DHX37: variants seen among roughly 807,000 people sequenced by gnomAD.
DHX37 encodes DEAH-box helicase 37, also known as probable ATP-dependent RNA helicase DHX37.
In DHX37, 52 loss-of-function variants were observed where a neutral mutation model predicts 134.3. That is an observed-to-expected ratio of 0.39 (90% CI 0.31 to 0.49). DHX37 has a LOEUF of 0.49. Ranked by LOEUF, DHX37 falls within the 20% of genes least tolerant of loss-of-function variation. The pLI is 0.93. For missense variants in DHX37, 1,344 were observed against 1,580.8 expected (o/e 0.85, Z 2.54); for synonymous variants, 634 against 670.7 (o/e 0.95, Z 0.85).
chr12:124,972,597 A>T lies in DHX37; in HGVS notation c.983T>A (p.Val328Asp), dbSNP rs1954544331. 5.0e-6 allele frequency: 8 copies of T among 1,614,068 alleles called. No homozygotes were observed. The highest frequency in any genetic ancestry group is 6.8e-6 in the Non-Finnish European group (8 of 1,179,978). Reference sequence around the variant, plus strand: ...TTCATACCGGATCTGGTAGGAGACGACCCTGTATGGGCAGAGTTCGGGTTA... The same window carrying T: ...TTCATACCGGATCTGGTAGGAGACGTCCCTGTATGGGCAGAGTTCGGGTTA... ...VAKEMNLSQR[V>D]VSYQIRYEGN... The change falls in exon 7 of 27, where the codon GTC becomes GAC. Residue 328 changes from valine to aspartate, a missense_variant and splice_region_variant. Coordinates refer to ENST00000308736, the MANE Select transcript of DHX37 (RefSeq NM_032656.4).
chr12:124,967,112 G>A lies in DHX37; in HGVS notation c.1504+11C>T, dbSNP rs202186478. On this transcript the variant is annotated intron_variant, in intron 11 of 26. Coordinates refer to ENST00000308736, the MANE Select transcript of DHX37 (RefSeq NM_032656.4). ...CTCAGGGCAGAGTGCTGGTCGGGGC[G>A]TCCTCTTTACCTTGTGGCCGGGCTC... is the stretch of plus-strand genomic sequence containing the variant. 3.5e-5 allele frequency: 57 copies of A among 1,613,224 alleles called. No individual in the cohort carries two copies. The highest frequency in any genetic ancestry group is 1.3e-4 in the Admixed American group (8 of 59,984).
rs1954337405 is a variant in DHX37, at chr12:124,964,480, G to A, written c.1959C>T (p.Ser653=). The A allele has an allele frequency of 1.2e-6, 2 of 1,614,100 alleles. No homozygotes were observed. The highest frequency in any genetic ancestry group is 1.1e-5 in the South Asian group (1 of 91,094). The change falls in exon 15 of 27, where the codon TCC becomes TCT. Residue 653 remains serine (S), a synonymous_variant. Coordinates refer to ENST00000308736, the MANE Select transcript of DHX37 (RefSeq NM_032656.4). Reference sequence around the variant, plus strand: ...GGGAGACCCAGGTGACACGGAAGGAGGATACGCCAGTGACGCGGTCGTAGT... The same window carrying A: ...GGGAGACCCAGGTGACACGGAAGGAAGATACGCCAGTGACGCGGTCGTAGT... ...KRYYDRVTGV[S]SFRVTWVSQA... is the part of the protein sequence containing the mutation.
At chr12:124,961,188 G>GCA (rs144846639) in intron 15 of DHX37, among the ~76,000 whole-genome samples, 61,965 of 103,388 alleles carry the variant, frequency 0.6, 15,192 homozygotes, top group Non-Finnish European at 0.67. Flanking sequence ...ATGCGCGCAC[G>GCA]CACACACACA....
intron 3 of DHX37, among the ~76,000 whole-genome samples, chr12:124,981,372 C>T (rs1434335071): frequency 6.6e-6 from 1 of 152,156 alleles, no homozygotes; most frequent in Non-Finnish European, 1.5e-5. Flanking sequence ...GTGGGAGGGG[C>T]ACACAGGCCA....
intron 16 of DHX37, among the ~76,000 whole-genome samples, chr12:124,959,820 T>C (rs1413840046): frequency 6.6e-6 from 1 of 152,224 alleles, no homozygotes; most frequent in Non-Finnish European, 1.5e-5. Context: ...TAGATGTGTG[T>C]CCCTGGACAA....
At chr12:124,974,778 A>ATT (rs768978678) in intron 6 of DHX37, among the ~76,000 whole-genome samples, 1 of 141,768 alleles carries the variant, frequency 7.1e-6, no homozygotes. Context: ...CCGCCTGAAG[A>ATT]TTTTTTTTTT....
At chr12:124,966,205 A>G (rs894847771) in intron 12 of DHX37, among the ~76,000 whole-genome samples, 1 of 152,190 alleles carries the variant, frequency 6.6e-6, no homozygotes, top group African/African-American at 2.4e-5. Context: ...AGTAGCTGGG[A>G]GTACAGGTGC....
chr12:124,967,172 C>T lies in DHX37; in HGVS notation c.1455G>A (p.Leu485=), dbSNP rs748494447. Residue 485 remains leucine, a synonymous_variant, in exon 11 of 27, where the codon CTG becomes CTA. Transcript: ENST00000308736. ...FLTGQAEVHA[L]CRRLRKAFPP... is the part of the protein sequence containing the mutation. ...GGAAAGCCTTCCTGAGCCTGCGGCA[C>T]AGCGCATGCACCTCAGCCTGCCCCG... 8 of 1,613,888 alleles carry T rather than the reference C, an allele frequency of 5.0e-6. No individual in the cohort carries two copies. In the East Asian group the frequency reaches 1.1e-4, roughly 22 times the overall value.
At position 124,961,548 on chromosome 12, in the gene DHX37, C is replaced by A. The variant is rs560597917; in HGVS notation, c.2046-1125G>T. Among the ~76,000 whole-genome samples, 5 of 152,318 alleles carry A rather than the reference C, an allele frequency of 3.3e-5. No homozygotes were observed. The South Asian group carries it at 1.0e-3, about 32-fold the overall frequency. ...GGTTCAAGTGATTCTCCTGCCTCAG[C>A]CTCCCAAGTAGCTGGGATTACAAGT... On this transcript the variant is annotated intron_variant, in intron 15 of 26. Transcript: ENST00000308736.
chr12:124,954,232 T>C (rs1954040864), intron 18 of DHX37, 21 bp from the exon 19 acceptor site: 8 of 1,547,018 alleles, frequency 5.2e-6, no homozygotes, highest in Non-Finnish European at 7.0e-6. Flanking sequence ...ACATACATAC[T>C]GTCTGGGCTG....
In DHX37 at chr12:124,947,757, C is replaced by T. The variant is rs970581024; in HGVS notation, c.*45G>A. The stretch of plus-strand genomic sequence containing the variant: ...GCACGGTGACAGGCTGCTGCCAGCC[C>T]TCCAGTCCCCAAACCAGTCCTCGGC... On this transcript the variant is annotated 3_prime_UTR_variant, in exon 27 of 27. Coordinates refer to ENST00000308736, the MANE Select transcript of DHX37 (RefSeq NM_032656.4). 4.6e-6 allele frequency: 7 copies of T among 1,513,858 alleles called. No homozygotes were observed. The highest frequency in any genetic ancestry group is 2.8e-5 in the African/African-American group (2 of 71,918). The allele number at this position is 1,513,858 out of a possible 1,614,324, so 93.8% of individuals were successfully genotyped here.
At chr12:124,983,803 G>C (rs202205394) in intron 2 of DHX37, among the ~76,000 whole-genome samples, 1 of 124,708 alleles carries the variant, frequency 8.0e-6, no homozygotes, top group African/African-American at 2.9e-5. Context: ...AAAAAAAAAA[G>C]AACACGCTCA....
intron 2 of DHX37, 117 bp downstream of exon 2, chr12:124,985,979 C>T (rs949916211): frequency 7.0e-5 from 93 of 1,326,568 alleles, no homozygotes; most frequent in Non-Finnish European, 8.5e-5. Flanking sequence ...CTGGAATTTT[C>T]CTCATTCCAG....
At chr12:124,963,715 A>T (rs1458221898) in intron 15 of DHX37, among the ~76,000 whole-genome samples, 1 of 66,894 alleles carries the variant, frequency 1.5e-5, no homozygotes, top group Non-Finnish European at 2.6e-5. Context: ...TAAAAATACA[A>T]AAAAAAAAAA....
chr12:124,961,197 CACAT>C (rs1477894243), intron 15 of DHX37, among the ~76,000 whole-genome samples: 1 of 108,794 alleles, frequency 9.2e-6, no homozygotes, highest in African/African-American at 3.0e-5. Flanking sequence ...CGCACACACA[CACAT>C]ACACGTGTGC....
chr12:124,981,771 T>C (rs542937019), intron 3 of DHX37, among the ~76,000 whole-genome samples: 6 of 151,682 alleles, frequency 4.0e-5, no homozygotes, highest in Non-Finnish European at 5.9e-5. Flanking sequence ...TTTGCAGTAA[T>C]TTGTTATGGC....
chr12:124,948,300 G>T, intron 25 of DHX37, 119 bp from the exon 26 acceptor site: 5 of 1,458,720 alleles, frequency 3.4e-6, no homozygotes, highest in Non-Finnish European at 4.5e-6. Flanking sequence ...AGGGTGAAGA[G>T]CTGGCTGGGC....
chr12:124,954,227 C>T lies in DHX37; in HGVS notation c.2454-16G>A, dbSNP rs1477041518. ...GGCCGCTGGTCTGCAAACACACATACATACTGTCTGGGCTGGGGCCTCGGC... is the reference window on the plus strand; with the variant it reads ...GGCCGCTGGTCTGCAAACACACATATATACTGTCTGGGCTGGGGCCTCGGC... On this transcript the variant is annotated splice_polypyrimidine_tract_variant and intron_variant, in intron 18 of 26. Coordinates refer to ENST00000308736, the MANE Select transcript of DHX37 (RefSeq NM_032656.4). 2 of 1,560,408 alleles carry T rather than the reference C, an allele frequency of 1.3e-6. No individual in the cohort carries two copies. Among genetic ancestry groups the T allele is most frequent in the African/African-American group, 2.7e-5 (2 of 72,858 alleles).
In DHX37 at chr12:124,953,919, T is replaced by G; in HGVS notation, c.2656A>C (p.Met886Leu). ...TGGCCCCGCAGGCGCCGGATCTCCA[T>G]CATGGCTTTGTACCGCAGCCCGTTG... ...EANGLRYKAM[M>L]EIRRLRGQLT... The change falls in exon 20 of 27, where the codon ATG becomes CTG. Residue 886 changes from methionine to leucine, a missense_variant. Physicochemically the swap from Met to Leu is conservative, Grantham distance 15. Around this residue, in one of 7 missense-constraint regions of DHX37, gnomAD observed 558 missense variants for 650.0 expected, o/e 0.86. Coordinates refer to ENST00000308736, the MANE Select transcript of DHX37 (RefSeq NM_032656.4). The G allele has an allele frequency of 4.3e-6, 7 of 1,612,796 alleles. No individual in the cohort carries two copies. The highest frequency in any genetic ancestry group is 5.9e-6 in the Non-Finnish European group (7 of 1,179,740).
Sources: allele counts gnomAD v4.1 joint callset (sites outside exome capture counted in the v4.1 genomes callset), GRCh38; gene constraint gnomAD v4.1.1; regional missense constraint gnomAD v4.1.1; transcripts MANE v1.5; gene names NCBI Gene and HGNC (gene_info 2026-07-23, HGNC 2026-07-21).